EEFSEC: variants seen among roughly 807,000 people sequenced by gnomAD.
EEFSEC encodes eukaryotic elongation factor, selenocysteine-tRNA specific.
EEFSEC carries 43 observed loss-of-function variants against 42.1 expected under a neutral mutation model. The ratio of observed to expected loss-of-function variants is 1.02; its 90% confidence interval spans 0.80 to 1.32. The LOEUF (loss-of-function observed/expected upper bound fraction) is 1.32, where lower values mean the gene tolerates loss of function less well. Ranked by LOEUF, EEFSEC falls within the 40% of genes most tolerant of loss-of-function variation. The pLI is 0.00. For missense variants in EEFSEC, 745 were observed against 803.6 expected, an observed-to-expected ratio of 0.93 and a Z score of 0.88; for synonymous variants, 354 against 339.1, an observed-to-expected ratio of 1.04 and a Z score of -0.48.
intron 4 of EEFSEC, among the ~76,000 whole-genome samples, chr3:128,272,681 GGAA>G (rs1280151929): frequency 2.6e-5 from 4 of 152,184 alleles, no homozygotes; most frequent in Non-Finnish European, 5.9e-5. Flanking sequence ...CTAGCTGTTA[GGAA>G]CACAATTAAG....
At chr3:128,177,634 A>C (rs1381528674) in intron 1 of EEFSEC, among the ~76,000 whole-genome samples, 1 of 152,126 alleles carries the variant, frequency 6.6e-6, no homozygotes, top group Non-Finnish European at 1.5e-5. Context: ...CTCTGTTTAG[A>C]GATGGTAAAG....
Position 128,262,574 on chromosome 3 carries a change from C to A in EEFSEC, c.621+350C>A, listed in dbSNP as rs574583934. Among the ~76,000 whole-genome samples, 7 of 152,342 alleles carry A rather than the reference C, an allele frequency of 4.6e-5. No individual in the cohort carries two copies. The South Asian group carries it at 1.5e-3, about 32-fold the overall frequency. ...TCTGGAACCCTGGGACCGTGACATC[C>A]ATTCCAGTCCTTCAGACTGTATCAG... On this transcript the variant is annotated intron_variant, in intron 3 of 6. Transcript: ENST00000254730.
chr3:128,326,309 A>G (rs765006036), intron 4 of EEFSEC, among the ~76,000 whole-genome samples: 30 of 152,240 alleles, frequency 2.0e-4, no homozygotes, highest in Non-Finnish European at 3.7e-4. Context: ...CTTGGATTGC[A>G]CCTCACACTT....
chr3:128,288,920 G>A (rs936490506), intron 4 of EEFSEC, among the ~76,000 whole-genome samples: 6 of 152,220 alleles, frequency 3.9e-5, no homozygotes, highest in Non-Finnish European at 8.8e-5. Context: ...GTGCCTGGAG[G>A]TATAGGGCTT....
chr3:128,353,743 C>A (rs555280241), intron 5 of EEFSEC, among the ~76,000 whole-genome samples: 32 of 152,330 alleles, frequency 2.1e-4, no homozygotes, highest in African/African-American at 6.7e-4. Context: ...GCCTCTGGAT[C>A]CAGACAGTCT....
intron 4 of EEFSEC, among the ~76,000 whole-genome samples, chr3:128,295,652 G>A (rs6775195): frequency 6.7e-6 from 1 of 148,388 alleles, no homozygotes. Context: ...AGAAGATGGA[G>A]AAGGACCCAA....
intron 4 of EEFSEC, among the ~76,000 whole-genome samples, chr3:128,335,426 G>A (rs2067179482): frequency 6.6e-6 from 1 of 152,246 alleles, no homozygotes; most frequent in Admixed American, 6.5e-5. Context: ...GGAAGGAAGT[G>A]AGGAAGAGAG....
intron 4 of EEFSEC, among the ~76,000 whole-genome samples, chr3:128,305,851 GACTTAA>G (rs1378245491): frequency 6.6e-6 from 1 of 151,928 alleles, no homozygotes; most frequent in Admixed American, 6.6e-5. Context: ...CTAGTTTCTT[GACTTAA>G]AGACTAAATA....
At chr3:128,359,158 G>A (rs1285427229) in intron 6 of EEFSEC, among the ~76,000 whole-genome samples, 1 of 152,148 alleles carries the variant, frequency 6.6e-6, no homozygotes, top group Non-Finnish European at 1.5e-5. Context: ...AAGGACAGAG[G>A]GAGGGAAGGA....
At chr3:128,182,081 G>A (rs963835684) in intron 1 of EEFSEC, among the ~76,000 whole-genome samples, 2 of 152,200 alleles carry the variant, frequency 1.3e-5, no homozygotes, top group Non-Finnish European at 2.9e-5. Context: ...CCAAAGTGCC[G>A]GGATTACAGG....
chr3:128,364,356 C>A (rs1238860931), intron 6 of EEFSEC, among the ~76,000 whole-genome samples: 2 of 152,138 alleles, frequency 1.3e-5, no homozygotes, highest in Non-Finnish European at 1.5e-5. Context: ...AAGTGGCCAT[C>A]CTGAGAGGAG....
chr3:128,204,284 T>C (rs1233978616), intron 1 of EEFSEC, among the ~76,000 whole-genome samples: 2 of 152,222 alleles, frequency 1.3e-5, no homozygotes, highest in Non-Finnish European at 2.9e-5. Flanking sequence ...TTGTATGTAC[T>C]TATGACAGTC....
chr3:128,275,713 C>T (rs924724082), intron 4 of EEFSEC, among the ~76,000 whole-genome samples: 2 of 152,244 alleles, frequency 1.3e-5, no homozygotes, highest in East Asian at 3.9e-4. Flanking sequence ...GCATTCTGAG[C>T]AGAAGGAACA....
Position 128,399,355 on chromosome 3 carries a change from C to G in EEFSEC, c.1601-8714C>G, listed in dbSNP as rs77805500. ...GGGCGCTGGTTGCCTACGCTTCCGC[C>G]CAATCAAAGGGGTGCATGAGCCCGT... On this transcript the variant is annotated intron_variant, in intron 6 of 6. Transcript: ENST00000254730. Among the ~76,000 whole-genome samples, 308 of 152,252 alleles carry G rather than the reference C, an allele frequency of 2.0e-3. 8 individuals carry two copies. The East Asian group carries it at 0.05, about 25-fold the overall frequency.
At chr3:128,280,157 C>T (rs1252271795) in intron 4 of EEFSEC, among the ~76,000 whole-genome samples, 1 of 152,152 alleles carries the variant, frequency 6.6e-6, no homozygotes, top group Non-Finnish European at 1.5e-5. Flanking sequence ...AAACTGTCTG[C>T]ATATGTTTGT....
chr3:128,325,609 T>C (rs1214839365), intron 4 of EEFSEC, among the ~76,000 whole-genome samples: 1 of 152,200 alleles, frequency 6.6e-6, no homozygotes, highest in East Asian at 1.9e-4. Context: ...ATGGTCTTTC[T>C]CTTTTAGTTT....
chr3:128,273,248 G>C (rs964128577), intron 4 of EEFSEC, among the ~76,000 whole-genome samples: 3 of 152,196 alleles, frequency 2.0e-5, no homozygotes, highest in African/African-American at 7.2e-5. Flanking sequence ...CTCCTGGCTT[G>C]AGGATTTGAA....
intron 2 of EEFSEC, 123 bp from the exon 3 acceptor site, chr3:128,262,005 G>A (rs2066301797): frequency 2.2e-5 from 19 of 871,998 alleles, no homozygotes; most frequent in Non-Finnish European, 3.2e-5. Flanking sequence ...TCTAGGCTTG[G>A]TTGATGTGGG....
intron 1 of EEFSEC, among the ~76,000 whole-genome samples, chr3:128,206,647 T>C (rs1478984957): frequency 1.3e-5 from 2 of 152,190 alleles, no homozygotes; most frequent in African/African-American, 4.8e-5. Context: ...CCTTTTGATA[T>C]GAGAGAAAGA....
Sources: gnomAD v4.1 joint callset for allele counts (sites outside exome capture counted in the v4.1 genomes callset) on GRCh38, gnomAD v4.1.1 for gene constraint, MANE v1.5 for transcripts, NCBI Gene and HGNC (gene_info 2026-07-23, HGNC 2026-07-21) for gene names.